The following SRGAP3 variants were observed in gnomAD, a reference collection of about 807,000 sequenced individuals.
SRGAP3 encodes SLIT-ROBO Rho GTPase activating protein 3.
In SRGAP3, 39 loss-of-function variants were observed where a neutral mutation model predicts 121.1. That is an observed-to-expected ratio of 0.32 (90% CI 0.25 to 0.42). The LOEUF is 0.42. Among genes scored for constraint, SRGAP3 ranks in the 10% least tolerant of loss-of-function variants. The pLI is 1.00. For synonymous variants in SRGAP3, 601 were observed against 570.0 expected (o/e 1.05, Z -0.77); for missense variants, 1,213 against 1,470.6 (o/e 0.82, Z 2.86).
At chr3:9,288,733 C>T (rs989200620) in intron 3 of SRGAP3, among the ~76,000 whole-genome samples, 5 of 151,860 alleles carry the variant, frequency 3.3e-5, no homozygotes, top group Non-Finnish European at 7.4e-5. Flanking sequence ...GTCACCACAC[C>T]CAGCTAATTT....
intron 1 of SRGAP3, among the ~76,000 whole-genome samples, chr3:9,165,210 G>A (rs1407175214): frequency 6.6e-6 from 1 of 152,248 alleles, no homozygotes; most frequent in African/African-American, 2.4e-5. Context: ...CTACCAGGAA[G>A]GGAGGGTCAT....
intron 21 of SRGAP3, 23 bp downstream of exon 21, chr3:8,990,489 C>G (rs1325686998): frequency 1.9e-6 from 3 of 1,549,878 alleles, no homozygotes; most frequent in Admixed American, 2.0e-5. Flanking sequence ...GGCTGCCCAG[C>G]CTGCCTTCCC....
chr3:9,343,649 T>C (rs531627887), intron 1 of SRGAP3, among the ~76,000 whole-genome samples: 3 of 152,328 alleles, frequency 2.0e-5, no homozygotes, highest in South Asian at 2.1e-4. Flanking sequence ...AAAAAGATTA[T>C]ATTATGCATA....
chr3:9,064,890 A>AATAAATAT (rs1553651310), intron 4 of SRGAP3, among the ~76,000 whole-genome samples: 1 of 150,978 alleles, frequency 6.6e-6, no homozygotes, highest in African/African-American at 2.4e-5. Flanking sequence ...TAAATAAATA[A>AATAAATAT]GGAGGAAATT....
At chr3:9,243,332 AT>A (rs372337173) in intron 1 of SRGAP3, among the ~76,000 whole-genome samples, 1 of 152,068 alleles carries the variant, frequency 6.6e-6, no homozygotes, top group African/African-American at 2.4e-5. Context: ...GGTATGGAGG[AT>A]TTAGAGAAAA....
intron 1 of SRGAP3, among the ~76,000 whole-genome samples, chr3:9,155,928 G>A (rs1208126914): frequency 1.3e-5 from 2 of 152,140 alleles, no homozygotes; most frequent in Admixed American, 6.5e-5. Context: ...CCATTCTCCT[G>A]CCTCAGCCTC....
At position 8,990,566 on chromosome 3, in the gene SRGAP3, G is replaced by T. The variant is rs765160186; in HGVS notation, c.2832C>A (p.Thr944=). 6.3e-7 allele frequency: 1 copy of T among 1,585,450 alleles called. No individual in the cohort carries two copies. Residue 944 remains threonine (T), a synonymous_variant, in exon 21 of 22, where the codon ACC becomes ACA. Transcript: ENST00000383836. ...TGTGGTCCCCTAGGCTGCTGTGCCT[G>T]GTGGAACCGCAGGTCGACCTCATCG... The part of the protein sequence containing the change: ...GHSMRSTCGS[T]RHSSLGDHKS...
intron 18 of SRGAP3, among the ~76,000 whole-genome samples, chr3:9,006,498 C>G (rs1230444761): frequency 2.1e-5 from 3 of 145,338 alleles, no homozygotes; most frequent in Non-Finnish European, 4.6e-5. Context: ...CATCAAAAAC[C>G]TCACCTTAAT....
Position 8,994,773 on chromosome 3 carries a change from T to C in SRGAP3, c.2228-250A>G, listed in dbSNP as rs184225857. Among the ~76,000 whole-genome samples, 106 of 152,336 alleles carry C rather than the reference T, an allele frequency of 7.0e-4. No individual in the cohort carries two copies. The South Asian group carries it at 8.9e-3, about 13-fold the overall frequency. ...AGAGGGAGCTGATACATGCTCCTTT[T>C]CCACTGCCCTTCTTGTTCTCTACTT... On this transcript the variant is annotated intron_variant, in intron 18 of 21. Transcript: ENST00000383836.
intron 9 of SRGAP3, 78 bp downstream of exon 9, chr3:9,052,949 G>A (rs1419655071): frequency 4.5e-6 from 7 of 1,555,186 alleles, no homozygotes; most frequent in African/African-American, 1.4e-5. Flanking sequence ...CTGGTTCTCA[G>A]TAGCTTGGGT....
At chr3:9,237,545 G>C (rs768725090) in intron 1 of SRGAP3, among the ~76,000 whole-genome samples, 21 of 152,184 alleles carry the variant, frequency 1.4e-4, no homozygotes, top group Non-Finnish European at 3.1e-4. Context: ...ACTTAAGATG[G>C]GTTAGTCTGC....
At chr3:9,073,627 T>C (rs1325209969) in intron 4 of SRGAP3, among the ~76,000 whole-genome samples, 1 of 152,202 alleles carries the variant, frequency 6.6e-6, no homozygotes, top group Non-Finnish European at 1.5e-5. Flanking sequence ...GTGGTCATAA[T>C]GCCACCTACC....
intron 1 of SRGAP3, among the ~76,000 whole-genome samples, chr3:9,191,322 T>C (rs931452376): frequency 1.3e-5 from 2 of 152,252 alleles, no homozygotes; most frequent in Non-Finnish European, 2.9e-5. Flanking sequence ...TGAGCAAGTA[T>C]TGCTTTTATC....
At chr3:9,273,712 G>C (rs76703519) in intron 3 of SRGAP3, among the ~76,000 whole-genome samples, 10 of 151,742 alleles carry the variant, frequency 6.6e-5, no homozygotes, top group Non-Finnish European at 1.5e-4. Context: ...GAGCTTTATC[G>C]TTTTAGGTCT....
chr3:9,237,401 G>T (rs1254035388), intron 1 of SRGAP3, among the ~76,000 whole-genome samples: 2 of 152,146 alleles, frequency 1.3e-5, no homozygotes, highest in Admixed American at 1.3e-4. Flanking sequence ...ATGAACAAGA[G>T]AAATCAAAGC....
intron 3 of SRGAP3, among the ~76,000 whole-genome samples, chr3:9,096,662 TA>T (rs1947979136): frequency 6.6e-6 from 1 of 151,590 alleles, no homozygotes; most frequent in Non-Finnish European, 1.5e-5. Flanking sequence ...GCCAAGACAA[TA>T]AGGCAAGAAA....
intron 1 of SRGAP3, among the ~76,000 whole-genome samples, chr3:9,205,336 T>C (rs1223918904): frequency 1.3e-5 from 2 of 152,270 alleles, no homozygotes; most frequent in African/African-American, 4.8e-5. Context: ...TTTATTTGTA[T>C]TAAGTTCTCA....
chr3:9,081,074 A>G (rs1484749545), intron 3 of SRGAP3, among the ~76,000 whole-genome samples: 1 of 152,208 alleles, frequency 6.6e-6, no homozygotes, highest in Non-Finnish European at 1.5e-5. Context: ...CCACTGCTCC[A>G]GAAGATGTTT....
intron 2 of SRGAP3, among the ~76,000 whole-genome samples, chr3:9,119,273 T>G (rs902831651): frequency 1.3e-5 from 2 of 152,218 alleles, no homozygotes; most frequent in South Asian, 4.1e-4. Flanking sequence ...GCTTCTCTCA[T>G]CTGCTCTGTT....
Sources: gnomAD v4.1 joint callset for allele counts (sites outside exome capture counted in the v4.1 genomes callset) on GRCh38, gnomAD v4.1.1 for gene constraint, MANE v1.5 for transcripts, NCBI Gene and HGNC (gene_info 2026-07-23, HGNC 2026-07-21) for gene names.